ARMC9: variants seen among roughly 807,000 people sequenced by gnomAD.
ARMC9 encodes the protein armadillo repeat containing 9, also known as lisH domain-containing protein ARMC9.
A neutral mutation model predicts 107.0 loss-of-function variants in ARMC9; 94 were observed. The ratio of observed to expected loss-of-function variants is 0.88; its 90% CI spans 0.74 to 1.04. The LOEUF is 1.04. Ranked by LOEUF, ARMC9 falls within the 50% of genes least tolerant of loss-of-function variation. The probability of loss-of-function intolerance (pLI) is 0.00; values close to 1 mark genes in which losing one functional copy is unlikely to be tolerated. For missense variants in ARMC9, 942 were observed against 1,030.1 expected (o/e 0.91, Z 1.17); for synonymous variants, 380 against 396.9 (o/e 0.96, Z 0.51).
intron 19 of ARMC9, among the ~76,000 whole-genome samples, chr2:231,328,908 G>A (rs185099961): frequency 4.7e-5 from 7 of 149,498 alleles, no homozygotes; most frequent in South Asian, 2.1e-4. Flanking sequence ...TCCGCCTCCC[G>A]GGTTCACACC....
Position 231,355,876 on chromosome 2 carries a change from C to G in ARMC9, c.2073C>G (p.His691Gln). 4 of 1,536,140 alleles carry G rather than the reference C, an allele frequency of 2.6e-6. No homozygotes were observed. Among genetic ancestry groups the G allele is most frequent in the Non-Finnish European group, 3.5e-6 (4 of 1,146,902 alleles). Reference sequence around the variant, plus strand: ...ACCCGCAGGCCCTGCCAGCCGCTCACGAGGCTGTCTACAGGGAGGGCAAGC... The same window carrying G: ...ACCCGCAGGCCCTGCCAGCCGCTCAGGAGGCTGTCTACAGGGAGGGCAAGC... ...NGHPQALPAAHEAVYREGKPS... is the reference protein window; with the variant it reads ...NGHPQALPAAQEAVYREGKPS... The change falls in exon 22 of 25, where the codon CAC (histidine) becomes CAG (glutamine). Residue 691 changes from histidine (H) to glutamine (Q), a missense_variant. By Grantham distance (24) the His-to-Gln change is conservative (BLOSUM62 0). Transcript: ENST00000611582.
intron 18 of ARMC9, chr2:231,294,954 G>A (rs995429378): frequency 2.6e-5 from 4 of 152,162 alleles, no homozygotes; most frequent in Non-Finnish European, 4.4e-5. Context: ...CACTGGCCTC[G>A]GTCCAGTGAA....
At chr2:231,276,589 A>G in intron 14 of ARMC9, 47 bp from the exon 15 acceptor site, 1 of 1,612,000 alleles carries the variant, frequency 6.2e-7, no homozygotes, top group Non-Finnish European at 8.5e-7. Flanking sequence ...CTCTTATATG[A>G]AAAGTTTCTT....
intron 9 of ARMC9, among the ~76,000 whole-genome samples, chr2:231,245,706 C>T (rs763141869): frequency 9.2e-5 from 14 of 152,186 alleles, no homozygotes; most frequent in Non-Finnish European, 1.8e-4. Context: ...AATTTGAGAA[C>T]GGCATTCCTC....
intron 8 of ARMC9, among the ~76,000 whole-genome samples, chr2:231,236,486 T>G (rs904830438): frequency 2.0e-5 from 3 of 152,142 alleles, no homozygotes; most frequent in African/African-American, 7.2e-5. Context: ...TAACTGTAGA[T>G]TCACACTGCA....
intron 9 of ARMC9, among the ~76,000 whole-genome samples, chr2:231,252,384 G>A (rs1455619583): frequency 1.3e-5 from 2 of 152,088 alleles, no homozygotes; most frequent in Non-Finnish European, 2.9e-5. Flanking sequence ...CAAGTAGCTG[G>A]GATTACAGGC....
intron 13 of ARMC9, among the ~76,000 whole-genome samples, chr2:231,272,187 G>GTTTTTT (rs56201225): frequency 2.8e-4 from 28 of 99,720 alleles, no homozygotes; most frequent in East Asian, 6.8e-4. Context: ...TGTGTGTTTG[G>GTTTTTT]TTTTTTTTTT....
At position 231,347,134 on chromosome 2, in the gene ARMC9, G is replaced by A. The variant is rs140123412; in HGVS notation, c.1994+2044G>A. 2.6e-5 allele frequency among the ~76,000 whole-genome samples: 4 copies of A among 152,192 alleles called. No individual in the cohort carries two copies. In the East Asian group the frequency reaches 7.7e-4, roughly 29 times the overall value. Reference sequence around the variant, plus strand: ...ATTTGAGGACGTTTTCCATGCCTGGGAGCACATCTATCTCCCCTCTGATAT... The same window carrying A: ...ATTTGAGGACGTTTTCCATGCCTGGAAGCACATCTATCTCCCCTCTGATAT... On this transcript the variant is annotated intron_variant, in intron 21 of 24. Coordinates refer to ENST00000611582, the MANE Select transcript of ARMC9 (RefSeq NM_001352754.2).
At position 231,311,345 on chromosome 2, in the gene ARMC9, G is replaced by A. The variant is rs571106948; in HGVS notation, c.1773+15092G>A. Among the ~76,000 whole-genome samples the A allele has an allele frequency of 3.3e-5, 5 of 151,482 alleles. No individual in the cohort carries two copies. The South Asian group carries it at 8.5e-4, about 26-fold the overall frequency. ...ACCTTTTATTCTGTGTTAGTGAATT[G>A]TAAGTGCTGCTGGGACAGGGCCGTA... On this transcript the variant is annotated intron_variant, in intron 19 of 24. Transcript: ENST00000611582.
Position 231,285,113 on chromosome 2 carries a change from A to G in ARMC9, c.1626+2980A>G, listed in dbSNP as rs2040492261. Among the ~76,000 whole-genome samples, 3 of 151,762 alleles carry G rather than the reference A, an allele frequency of 2.0e-5. No homozygotes were observed. In the South Asian group the frequency reaches 6.2e-4, roughly 32 times the overall value. ...CTCAGGAGGCTGAGGCAGGAAAATT[A>G]CTTGAACCCAGGAGGCAGAGGTTGC... On this transcript the variant is annotated intron_variant, in intron 17 of 24. Transcript: ENST00000611582.
In ARMC9 at chr2:231,199,743, T is replaced by C. The variant is rs139567377; in HGVS notation, c.-42+1045T>C. Among the ~76,000 whole-genome samples the C allele has an allele frequency of 3.2e-4, 48 of 152,316 alleles. 1 individual carries two copies. The East Asian group carries it at 7.7e-3, about 25-fold the overall frequency. ...CGGAGTCTTTCCCTGTCGCTCAGGCTGGAGTGGAGTGGCATGATCTCGGCT... is the reference window on the plus strand; with the variant it reads ...CGGAGTCTTTCCCTGTCGCTCAGGCCGGAGTGGAGTGGCATGATCTCGGCT... On this transcript the variant is annotated intron_variant, in intron 1 of 24. Coordinates refer to ENST00000611582, the MANE Select transcript of ARMC9 (RefSeq NM_001352754.2).
At chr2:231,234,219 G>A (rs779152464) in intron 7 of ARMC9, among the ~76,000 whole-genome samples, 12 of 152,206 alleles carry the variant, frequency 7.9e-5, no homozygotes, top group South Asian at 4.1e-4. Context: ...TCAAGAAAGA[G>A]GGAAGGTGGT....
At chr2:231,264,740 G>C (rs1012066945) in intron 12 of ARMC9, among the ~76,000 whole-genome samples, 2 of 147,894 alleles carry the variant, frequency 1.4e-5, no homozygotes, top group Non-Finnish European at 3.0e-5. Context: ...CGGGTGATCC[G>C]CCCGCCTCAG....
intron 21 of ARMC9, among the ~76,000 whole-genome samples, chr2:231,349,568 G>C (rs143162741): frequency 0.013 from 1,985 of 152,206 alleles, 49 homozygotes; most frequent in African/African-American, 0.045. Context: ...GATCACTTAA[G>C]GTCAGGAGTT....
At chr2:231,308,017 C>A (rs1284784637) in intron 19 of ARMC9, among the ~76,000 whole-genome samples, 1 of 152,128 alleles carries the variant, frequency 6.6e-6, no homozygotes, top group African/African-American at 2.4e-5. Context: ...GTATGGAGGG[C>A]AAGGGTGGGA....
At chr2:231,241,734 A>G (rs553608397) in intron 9 of ARMC9, among the ~76,000 whole-genome samples, 1 of 152,280 alleles carries the variant, frequency 6.6e-6, no homozygotes, top group African/African-American at 2.4e-5. Flanking sequence ...AAAAATAAGT[A>G]AAGCAGTTGT....
chr2:231,353,980 TACACACACACACACACACACACACAC>T (rs35433958), intron 21 of ARMC9, among the ~76,000 whole-genome samples: 1 of 135,292 alleles, frequency 7.4e-6, no homozygotes, highest in Non-Finnish European at 1.5e-5. Flanking sequence ...TATGTATATA[TACACACACACACACACACACACACAC>T]ACACACACAC....
chr2:231,232,451 G>C (rs1205468322), intron 7 of ARMC9, among the ~76,000 whole-genome samples: 1 of 145,774 alleles, frequency 6.9e-6, no homozygotes, highest in Non-Finnish European at 1.5e-5. Context: ...TTCATGCCAG[G>C]TGACTTTTTT....
chr2:231,248,698 T>A (rs2037002214), intron 9 of ARMC9, among the ~76,000 whole-genome samples: 1 of 149,618 alleles, frequency 6.7e-6, no homozygotes, highest in Non-Finnish European at 1.5e-5. Flanking sequence ...TCCTAGCTAC[T>A]CAGGAGGCTG....
Sources: gnomAD v4.1 joint callset for allele counts (sites outside exome capture counted in the v4.1 genomes callset) on GRCh38, gnomAD v4.1.1 for gene constraint, MANE v1.5 for transcripts, NCBI Gene and HGNC (gene_info 2026-07-23, HGNC 2026-07-21) for gene names.